The following RBMX variants were observed in gnomAD, a reference collection of about 807,000 sequenced individuals.
The protein encoded by RBMX is RNA binding motif protein X-linked, also known as RNA-binding motif protein, X chromosome.
RBMX carries 1 observed loss-of-function variant against 29.3 expected under a neutral mutation model. The ratio of observed to expected loss-of-function variants is 0.03; its 90% CI spans 0.01 to 0.16. The LOEUF is 0.16. RBMX is among the 10% of genes least tolerant of loss of function. The pLI, the probability that RBMX is intolerant of heterozygous loss-of-function variation, is 1.00. For missense variants in RBMX, 121 were observed against 333.2 expected, an observed-to-expected ratio of 0.36 and a Z score of 4.96; for synonymous variants, 102 against 102.3, an observed-to-expected ratio of 1.00 and a Z score of 0.02.
intron 2 of RBMX, 44 bp downstream of exon 2, chrX:136,879,275 T>C (rs1271389951): frequency 7.5e-6 from 9 of 1,195,202 alleles, no homozygotes; most frequent in Admixed American, 6.6e-5. Flanking sequence ...TCATAGCTTA[T>C]ATTTTAATTA....
At position 136,875,392 on chromosome X, in the gene RBMX, CA is replaced by C. The variant is rs765121298; in HGVS notation, c.657-10del. The stretch of plus-strand genomic sequence containing the variant: ...AATCTCTGCTTGAATAGCTACAAAG[CA>C]AAAGTTTTGGTTTATGCTTTTGATA... On this transcript the variant is annotated splice_polypyrimidine_tract_variant and intron_variant, in intron 6 of 8. Coordinates refer to ENST00000320676, the MANE Select transcript of RBMX (RefSeq NM_002139.4). 2.0e-5 allele frequency: 24 copies of C among 1,207,683 alleles called. No individual in the cohort carries two copies. In the Admixed American group the frequency reaches 5.3e-4, roughly 27 times the overall value.
At position 136,879,116 on chromosome X, in the gene RBMX, C is replaced by G; in HGVS notation, c.117G>C (p.Leu39Phe). 1 of 1,211,363 alleles carries G rather than the reference C, an allele frequency of 8.3e-7. No individual in the cohort carries two copies. The part of the protein sequence containing the change: ...GKYGRIVEVL[L>F]MKDRETNKSR... ...ATTTGTTGGTTTCACGGTCTTTCAT[C>G]AAGAGTACTAAAAAGTAGTTTTCAG... Residue 39 changes from leucine to phenylalanine, a missense_variant, in exon 3 of 9, where the codon TTG becomes TTC. Coordinates refer to ENST00000320676, the MANE Select transcript of RBMX (RefSeq NM_002139.4).
chrX:136,876,716 G>GTTTTT, intron 4 of RBMX, 61 bp from the exon 5 acceptor site: 2 of 808,779 alleles, frequency 2.5e-6, no homozygotes, highest in African/African-American at 2.3e-5. Context: ...AGATATAAAA[G>GTTTTT]TTTTTTTTTT....
downstream of RBMX, among the ~76,000 whole-genome samples, chrX:136,871,309 T>G (rs1346777654): frequency 3.8e-5 from 4 of 105,824 alleles, no homozygotes; most frequent in African/African-American, 1.0e-4. Flanking sequence ...GGCGTGGCAG[T>G]GTGCACCTGT....
downstream of RBMX, chrX:136,869,642 G>C: frequency 9.0e-6 from 1 of 111,220 alleles, no homozygotes; most frequent in East Asian, 2.8e-4. Context: ...GTAGTAGGTT[G>C]TCAAATGAGA....
At chrX:136,870,178 G>A (rs988103433), downstream of RBMX, 1 of 112,501 alleles carries the variant, frequency 8.9e-6, no homozygotes, top group Non-Finnish European at 1.9e-5. Context: ...AGAACTTCCT[G>A]ACTACCTCCA....
intron 3 of RBMX, 118 bp downstream of exon 3, chrX:136,878,899 A>G: frequency 1.1e-6 from 1 of 888,324 alleles, no homozygotes; most frequent in Non-Finnish European, 1.6e-6. Flanking sequence ...TGGATCCCAG[A>G]CAGGTATATA....
chrX:136,872,557 G>A, downstream of RBMX: 1 of 413,690 alleles, frequency 2.4e-6, no homozygotes, highest in African/African-American at 2.5e-5. Flanking sequence ...CATGGCTTAT[G>A]GATTGTCATT....
Position 136,875,400 on chromosome X carries a change from T to C in RBMX, c.657-17A>G, listed in dbSNP as rs776919596. 4 of 1,207,711 alleles carry C rather than the reference T, an allele frequency of 3.3e-6. No homozygotes were observed. The highest frequency in any genetic ancestry group is 4.5e-6 in the Non-Finnish European group (4 of 893,646). On this transcript the variant is annotated splice_polypyrimidine_tract_variant and intron_variant, in intron 6 of 8. Transcript: ENST00000320676. ...CTTGAATAGCTACAAAGCAAAAGTT[T>C]TGGTTTATGCTTTTGATAAGCTTTC...
intron 4 of RBMX, among the ~76,000 whole-genome samples, chrX:136,877,681 C>T (rs759267557): frequency 5.4e-5 from 6 of 111,335 alleles, no homozygotes; most frequent in Non-Finnish European, 1.1e-4. Flanking sequence ...TTTTTAAATG[C>T]CTTTCCTACA....
rs35488933 is a variant in RBMX at position 136,878,088 on chromosome X, T to TA, written c.217-3dup. The TA allele has an allele frequency of 2.0e-4, 225 of 1,128,513 alleles. No individual in the cohort carries two copies. The East Asian group carries it at 2.6e-3, about 13-fold the overall frequency. 93.0% of individuals were successfully genotyped at this position (1,128,513 alleles called of 1,213,427 possible). A position where few individuals can be genotyped will look rare whatever the true frequency, so the allele number is the denominator to read the frequency against. On this transcript the variant is annotated splice_region_variant and splice_polypyrimidine_tract_variant and intron_variant, in intron 3 of 8. Coordinates refer to ENST00000320676, the MANE Select transcript of RBMX (RefSeq NM_002139.4). ...CTTGATGGCTTTTCCATCTAATGACTAAAAAAAAAGATACGATTAAATTAA... is the reference window on the plus strand; with the variant it reads ...CTTGATGGCTTTTCCATCTAATGACTAAAAAAAAAAGATACGATTAAATTAA...
Position 136,874,213 on chromosome X carries a change from G to A in RBMX, c.1105C>T (p.Arg369Cys), listed in dbSNP as rs376689167. ...PPRDSYSSSS[R>C]GAPRGGGRGG... ...CGGCCACCACCTCTTGGTGCTCCGC[G>A]GCTTGAACTGCTGTAGGAATCACGT... Residue 369 changes from arginine to cysteine, a missense_variant, in exon 9 of 9, where the codon CGC becomes TGC. Arg to Cys is a radical substitution (Grantham distance 180). Coordinates refer to ENST00000320676, the MANE Select transcript of RBMX (RefSeq NM_002139.4). The A allele has an allele frequency of 4.2e-5, 51 of 1,211,927 alleles. No homozygotes were observed. The African/African-American group carries it at 7.8e-4, about 19-fold the overall frequency.
At chrX:136,878,993 C>T in intron 3 of RBMX, 24 bp downstream of exon 3, 1 of 1,207,710 alleles carries the variant, frequency 8.3e-7, no homozygotes, top group Non-Finnish European at 1.1e-6. Context: ...AACAGGTTAT[C>T]ATCCATCGTG....
chrX:136,869,983 CTGTT>C (rs1427691336), downstream of RBMX: 7 of 112,345 alleles, frequency 6.2e-5, no homozygotes, highest in South Asian at 3.6e-4. Context: ...TACAACTAAA[CTGTT>C]TGTGGATAAG....
intron 3 of RBMX, among the ~76,000 whole-genome samples, chrX:136,878,785 A>ATTC (rs1233040004): frequency 9.2e-6 from 1 of 108,373 alleles, no homozygotes; most frequent in African/African-American, 3.4e-5. Flanking sequence ...TGCCATAATT[A>ATTC]TTCTGAACTG....
rs753850118 is a variant in RBMX, at chrX:136,878,098, G to C, written c.217-12C>G. 3.0e-5 allele frequency: 34 copies of C among 1,125,535 alleles called. No homozygotes were observed. The African/African-American group carries it at 3.9e-4, about 13-fold the overall frequency. The allele number at this position is 1,125,535 out of a possible 1,213,427, so 92.8% of individuals were successfully genotyped here. A position where few individuals can be genotyped will look rare whatever the true frequency, so the allele number is the denominator to read the frequency against. ...TTTCCATCTAATGACTAAAAAAAAA[G>C]ATACGATTAAATTAAATCAAGATTT... On this transcript the variant is annotated splice_polypyrimidine_tract_variant and intron_variant, in intron 3 of 8. Transcript: ENST00000320676.
At chrX:136,874,712 T>G in intron 8 of RBMX, 2 of 407,653 alleles carry the variant, frequency 4.9e-6, no homozygotes, top group Non-Finnish European at 8.0e-6. Context: ...TGTTATTTTA[T>G]AGTAGACACT....
rs1465945074 is a variant in RBMX, at chrX:136,879,083, T to C, written c.150A>G (p.Gly50=). The change falls in exon 3 of 9, where the codon GGA becomes GGG. Residue 50 remains glycine (G), a synonymous_variant. Coordinates refer to ENST00000320676, the MANE Select transcript of RBMX (RefSeq NM_002139.4). ...GGCTTTCAAAGGTGACAAAAGCAAA[T>C]CCTCTTGATTTGTTGGTTTCACGGT... ...MKDRETNKSR[G]FAFVTFESPA... 8 of 1,209,825 alleles carry C rather than the reference T, an allele frequency of 6.6e-6. No homozygotes were observed. The highest frequency in any genetic ancestry group is 8.9e-6 in the Non-Finnish European group (8 of 895,367).
At chrX:136,872,207 T>C (rs928938622), downstream of RBMX, 1 of 920,097 alleles carries the variant, frequency 1.1e-6, no homozygotes, top group African/African-American at 2.0e-5. Context: ...ATGTCACAGC[T>C]AAACTAAATG....
Sources: gnomAD v4.1 joint callset for allele counts (sites outside exome capture counted in the v4.1 genomes callset) on GRCh38, gnomAD v4.1.1 for gene constraint, MANE v1.5 for transcripts, NCBI Gene and HGNC (gene_info 2026-07-23, HGNC 2026-07-21) for gene names.